The following MACROH2A1 variants were observed in gnomAD, a reference collection of about 807,000 sequenced individuals.
The protein encoded by MACROH2A1 is core histone macro-H2A.1.
A neutral mutation model predicts 31.6 loss-of-function variants in MACROH2A1; 2 were observed. The ratio of observed to expected loss-of-function variants is 0.06; its 90% CI spans 0.03 to 0.20. The LOEUF (loss-of-function observed/expected upper bound fraction) is 0.20. Among genes scored for constraint, MACROH2A1 ranks in the 10% least tolerant of loss-of-function variants. The probability of loss-of-function intolerance (pLI) is 1.00; values close to 1 mark genes in which losing one functional copy is unlikely to be tolerated. For missense variants in MACROH2A1, 230 were observed against 474.0 expected, an observed-to-expected ratio of 0.49 and a Z score of 4.78; for synonymous variants, 169 against 189.6, an observed-to-expected ratio of 0.89 and a Z score of 0.89.
chr5:135,345,862 C>A (rs765649229), intron 7 of MACROH2A1, 106 bp downstream of exon 7: 1 of 747,000 alleles, frequency 1.3e-6, no homozygotes, highest in Non-Finnish European at 2.4e-6. Flanking sequence ...CTTGAAGATG[C>A]GGCTGTGCTG....
intron 5 of MACROH2A1, chr5:135,358,413 T>C: frequency 1.0e-6 from 1 of 985,340 alleles, no homozygotes; most frequent in Non-Finnish European, 1.2e-6. Context: ...TCTTCCTGGA[T>C]ATGTGACTCT....
intron 8 of MACROH2A1, 39 bp from the exon 9 acceptor site, chr5:135,335,180 C>T: frequency 6.4e-7 from 1 of 1,565,436 alleles, no homozygotes; most frequent in South Asian, 1.1e-5. Context: ...ACTGGGATGC[C>T]ACGGGGGCTG....
intron 5 of MACROH2A1, 129 bp from the exon 6 acceptor site, chr5:135,353,174 G>C: frequency 1.5e-6 from 1 of 664,838 alleles, no homozygotes; most frequent in Non-Finnish European, 2.7e-6. Flanking sequence ...GCAGGGAGTT[G>C]CTGGCTCAAA....
intron 4 of MACROH2A1, among the ~76,000 whole-genome samples, chr5:135,365,292 G>C (rs550757304): frequency 6.6e-6 from 1 of 152,130 alleles, no homozygotes; most frequent in Non-Finnish European, 1.5e-5. Context: ...GTTCTCTTAA[G>C]AGGGGCCAGG....
chr5:135,352,831 G>A (rs1761740884), intron 6 of MACROH2A1, 115 bp downstream of exon 6: 1 of 694,742 alleles, frequency 1.4e-6, no homozygotes, highest in East Asian at 2.6e-5. Context: ...TATCAATCTT[G>A]GATTTGGAAA....
chr5:135,396,185 T>C (rs1294455227), intron 1 of MACROH2A1, among the ~76,000 whole-genome samples: 4 of 152,218 alleles, frequency 2.6e-5, no homozygotes, highest in African/African-American at 9.6e-5. Context: ...CTCTCTCTTT[T>C]AAAGGTTGTG....
chr5:135,345,021 T>A (rs1317785630), intron 7 of MACROH2A1: 1 of 152,238 alleles, frequency 6.6e-6, no homozygotes, highest in African/African-American at 2.4e-5. Context: ...TAAAACTGTG[T>A]ATGCCTTCCC....
intron 5 of MACROH2A1, 103 bp downstream of exon 5, chr5:135,360,394 C>T (rs1762681922): frequency 1.3e-6 from 1 of 773,100 alleles, no homozygotes; most frequent in African/African-American, 1.7e-5. Flanking sequence ...ACCCACGAGG[C>T]TGGGAGTGGC....
chr5:135,339,838 T>C (rs1463561480), intron 8 of MACROH2A1, among the ~76,000 whole-genome samples: 3 of 152,202 alleles, frequency 2.0e-5, no homozygotes, highest in Non-Finnish European at 4.4e-5. Context: ...TCCCCTGAGC[T>C]GTGCCCCCTG....
At chr5:135,349,509 C>T (rs1240359858) in intron 6 of MACROH2A1, among the ~76,000 whole-genome samples, 1 of 152,058 alleles carries the variant, frequency 6.6e-6, no homozygotes. Flanking sequence ...ATCCAAAGTG[C>T]CCAGGAGAGT....
At position 135,360,551 on chromosome 5, in the gene MACROH2A1, T is replaced by C. The variant is rs138537619; in HGVS notation, c.534A>G (p.Thr178=). 1.9e-3 allele frequency: 3,095 copies of C among 1,614,096 alleles called. 43 individuals are homozygous for C. The highest frequency in any genetic ancestry group is 3.8e-4 in the Non-Finnish European group (449 of 1,179,990). Residue 178 remains threonine (T), a synonymous_variant, in exon 5 of 9, where the codon ACA becomes ACG. Coordinates refer to ENST00000511689, the MANE Select transcript of MACROH2A1 (RefSeq NM_138610.3). ...AGAGGACTGTGAAGCCGTCGGCAGG[T>C]GTGCCCTCGGTTGTGCTGTCGGCGC... ...AASADSTTEG[T]PADGFTVLST... is the part of the protein sequence containing the mutation.
chr5:135,362,233 A>G lies in MACROH2A1; in HGVS notation c.478-1626T>C, dbSNP rs1158606344. 2.0e-5 allele frequency: 3 copies of G among 152,250 alleles called. No individual in the cohort carries two copies. In the East Asian group the frequency reaches 5.8e-4, roughly 29 times the overall value. The allele number at this position is 152,250 out of a possible 1,614,324, so 9.4% of individuals were successfully genotyped here. On this transcript the variant is annotated intron_variant, in intron 4 of 8. Coordinates refer to ENST00000511689, the MANE Select transcript of MACROH2A1 (RefSeq NM_138610.3). ...AGATCTTCAGAAAATAGACTGGTGA[A>G]GTTAACAGTAATGGACCAGTGTTGA...
intron 6 of MACROH2A1, among the ~76,000 whole-genome samples, chr5:135,350,403 G>A (rs933270731): frequency 6.6e-6 from 1 of 152,100 alleles, no homozygotes; most frequent in African/African-American, 2.4e-5. Flanking sequence ...CGGGGGTCAG[G>A]GGAGTGGGGG....
At chr5:135,393,360 T>C (rs577489208) in intron 1 of MACROH2A1, among the ~76,000 whole-genome samples, 1 of 152,352 alleles carries the variant, frequency 6.6e-6, no homozygotes, top group East Asian at 1.9e-4. Context: ...TTGGGAAATG[T>C]ACTCTGGCTA....
In MACROH2A1 at chr5:135,383,704, T is replaced by TG. The variant is rs1160357207; in HGVS notation, c.172+5217dup. 3.3e-3 allele frequency among the ~76,000 whole-genome samples: 319 copies of TG among 97,738 alleles called. 2 individuals carry two copies. The highest frequency in any genetic ancestry group is 0.02 in the African/African-American group (304 of 15,016). 64.1% of individuals were successfully genotyped at this position (97,738 alleles called of 152,430 possible). On this transcript the variant is annotated intron_variant, in intron 2 of 8. Transcript: ENST00000511689. ...CTTTCCTGTGTGATGTGGTGTGGTG[T>TG]GTGTGTGTGTGTGTGTGTGTGTGTG...
intron 1 of MACROH2A1, among the ~76,000 whole-genome samples, chr5:135,389,930 C>T (rs1766975248): frequency 1.3e-5 from 2 of 152,202 alleles, no homozygotes; most frequent in Admixed American, 1.3e-4. Flanking sequence ...GGGTACACAC[C>T]CACCTGAACA....
At chr5:135,336,800 G>A (rs1758787606) in intron 8 of MACROH2A1, among the ~76,000 whole-genome samples, 1 of 152,240 alleles carries the variant, frequency 6.6e-6, no homozygotes, top group Non-Finnish European at 1.5e-5. Flanking sequence ...ATTCACAGGA[G>A]TCAAGGAGCA....
rs150941056 is a variant in MACROH2A1, at chr5:135,391,190, T to C, written c.-33-2064A>G. The stretch of plus-strand genomic sequence containing the variant: ...CCTGTGTTTTCAGGCAAGGCTGTCA[T>C]TGGGTTTCCTAGCAGTCTTTTGCTT... On this transcript the variant is annotated intron_variant, in intron 1 of 8. Coordinates refer to ENST00000511689, the MANE Select transcript of MACROH2A1 (RefSeq NM_138610.3). Among the ~76,000 whole-genome samples the C allele has an allele frequency of 2.4e-3, 368 of 152,350 alleles. 2 individuals are homozygous for C. Among genetic ancestry groups the C allele is most frequent in the Non-Finnish European group, 3.8e-3 (261 of 68,018 alleles).
intron 1 of MACROH2A1, among the ~76,000 whole-genome samples, chr5:135,391,426 G>A (rs1044623887): frequency 6.6e-6 from 1 of 152,176 alleles, no homozygotes; most frequent in South Asian, 2.1e-4. Context: ...ACTGGACAGT[G>A]GTCTCCTCCA....
Sources: gnomAD v4.1 joint callset for allele counts (sites outside exome capture counted in the v4.1 genomes callset) on GRCh38, gnomAD v4.1.1 for gene constraint, MANE v1.5 for transcripts, NCBI Gene and HGNC (gene_info 2026-07-23, HGNC 2026-07-21) for gene names.